Variants in EGR3 observed in about 807,000 individuals in gnomAD.
EGR3 encodes the protein early growth response protein 3.
In EGR3, 4 loss-of-function variants were observed where a neutral mutation model predicts 22.4. The ratio of observed to expected loss-of-function variants is 0.18; its 90% CI spans 0.09 to 0.41. The LOEUF (loss-of-function observed/expected upper bound fraction) is 0.41. Among genes scored for constraint, EGR3 ranks in the 10% least tolerant of loss-of-function variants. The pLI is 1.00. For synonymous variants in EGR3, 219 were observed against 226.8 expected (o/e 0.97, Z 0.31); for missense variants, 315 against 541.3 (o/e 0.58, Z 4.15).
rs117302865 is a variant in EGR3, at chr8:22,688,327, C to T, written c.*2146G>A. On this transcript the variant is annotated 3_prime_UTR_variant, in exon 2 of 2. Transcript: ENST00000317216. Reference sequence around the variant, plus strand: ...AAGGGTATCTGATTCCTCCTTCTAGCTTGGAAGTGACCAAAATTTTTGCTT... The same window carrying T: ...AAGGGTATCTGATTCCTCCTTCTAGTTTGGAAGTGACCAAAATTTTTGCTT... 884 of 152,694 alleles carry T rather than the reference C, an allele frequency of 5.8e-3. 10 individuals are homozygous for T. Among genetic ancestry groups the T allele is most frequent in the Middle Eastern group, 0.01 (3 of 292 alleles). The allele number at this position is 152,694 out of a possible 1,614,324, so 9.5% of individuals were successfully genotyped here. A position where few individuals can be genotyped will look rare whatever the true frequency, so the allele number is the denominator to read the frequency against.
At chr8:22,691,846 G>A (rs1453112063) in intron 1 of EGR3, 1 of 985,358 alleles carries the variant, frequency 1.0e-6, no homozygotes, top group Non-Finnish European at 1.2e-6. Flanking sequence ...AGCGCGCTGG[G>A]CTCTCGCTCT....
rs1804005062 is a variant in EGR3, at chr8:22,692,474, G to A, written c.154+317C>T. On this transcript the variant is annotated intron_variant, in intron 1 of 1. Coordinates refer to ENST00000317216, the MANE Select transcript of EGR3 (RefSeq NM_004430.3). The surrounding 1 kb of genome is among the most constrained non-coding windows in gnomAD (Gnocchi z 6.2). Reference sequence around the variant, plus strand: ...ATCGGGCCCCCTGCGTGGTGAGGGAGAACCCCAGAGCCGCTCGCACCTACC... The same window carrying A: ...ATCGGGCCCCCTGCGTGGTGAGGGAAAACCCCAGAGCCGCTCGCACCTACC... The A allele has an allele frequency of 1.4e-6, 2 of 1,422,644 alleles. No individual in the cohort carries two copies. Among genetic ancestry groups the A allele is most frequent in the East Asian group, 5.2e-5 (2 of 38,508 alleles). 88.1% of individuals were successfully genotyped at this position (1,422,644 alleles called of 1,614,324 possible).
At position 22,692,508 on chromosome 8, in the gene EGR3, G is replaced by A. The variant is rs1044448596; in HGVS notation, c.154+283C>T. On this transcript the variant is annotated intron_variant, in intron 1 of 1. Transcript: ENST00000317216. The surrounding 1 kb of genome is among the most constrained non-coding windows in gnomAD (Gnocchi z 6.2). ...AGCCGCTCGCACCTACCTCCCTCCGGTCGGCGGCTGCCCCCACCCGGGAGA... is the reference window on the plus strand; with the variant it reads ...AGCCGCTCGCACCTACCTCCCTCCGATCGGCGGCTGCCCCCACCCGGGAGA... The A allele has an allele frequency of 7.0e-7, 1 of 1,418,788 alleles. No homozygotes were observed. The highest frequency in any genetic ancestry group is 2.6e-5 in the East Asian group (1 of 38,884). The allele number at this position is 1,418,788 out of a possible 1,614,324, so 87.9% of individuals were successfully genotyped here.
In EGR3 at chr8:22,687,713, T is replaced by G. The variant is rs2128744246; in HGVS notation, c.*2760A>C. On this transcript the variant is annotated 3_prime_UTR_variant, in exon 2 of 2. Coordinates refer to ENST00000317216, the MANE Select transcript of EGR3 (RefSeq NM_004430.3). This position sits in a 1 kb window ranked among gnomAD's most constrained non-coding sequence, Gnocchi z 4.7. ...AAAACAAGAAATAAAATAAGGAGAT[T>G]TATAGGCCGGCTGATTGTCAGCAAA... is the stretch of plus-strand genomic sequence containing the variant. 1 of 152,706 alleles carries G rather than the reference T, an allele frequency of 6.5e-6. No homozygotes were observed. Among genetic ancestry groups the G allele is most frequent in the East Asian group, 1.9e-4 (1 of 5,186 alleles). 9.5% of individuals were successfully genotyped at this position (152,706 alleles called of 1,614,324 possible).
intron 1 of EGR3, chr8:22,691,798 G>A: frequency 2.0e-6 from 2 of 985,412 alleles, no homozygotes; most frequent in Non-Finnish European, 2.4e-6. Flanking sequence ...GAGGTGGGGC[G>A]GGCAGGTAGC....
chr8:22,692,684 T>A lies in EGR3; in HGVS notation c.154+107A>T. The stretch of plus-strand genomic sequence containing the variant: ...ATCTATCCACCCATCCACCCATCCA[T>A]CCATCCATCCATCCATCCATCCATC... On this transcript the variant is annotated intron_variant, in intron 1 of 1. Transcript: ENST00000317216. This position sits in a 1 kb window ranked among gnomAD's most constrained non-coding sequence, Gnocchi z 6.2. The A allele has an allele frequency of 7.2e-7, 1 of 1,384,030 alleles. No individual in the cohort carries two copies. Among genetic ancestry groups the A allele is most frequent in the Non-Finnish European group, 9.8e-7 (1 of 1,016,334 alleles). 85.7% of individuals were successfully genotyped at this position (1,384,030 alleles called of 1,614,324 possible).
rs1293822854 is a variant in EGR3 at position 22,693,321 on chromosome 8, C to G, written c.-377G>C. The G allele has an allele frequency of 8.5e-6, 1 of 118,104 alleles. No homozygotes were observed. The highest frequency in any genetic ancestry group is 8.6e-5 in the Admixed American group (1 of 11,634). The allele number at this position is 118,104 out of a possible 1,614,324, so 7.3% of individuals were successfully genotyped here. A position where few individuals can be genotyped will look rare whatever the true frequency, so the allele number is the denominator to read the frequency against. ...ATTGATCTCACAAACAGACACGCGC[C>G]CGCCGCCCCCCCGCCCCCCGATCTG... On this transcript the variant is annotated 5_prime_UTR_variant, in exon 1 of 2. Coordinates refer to ENST00000317216, the MANE Select transcript of EGR3 (RefSeq NM_004430.3).
In EGR3 at chr8:22,692,160, G is replaced by A; in HGVS notation, c.154+631C>T. The A allele has an allele frequency of 1.4e-6, 2 of 1,380,340 alleles. No individual in the cohort carries two copies. The highest frequency in any genetic ancestry group is 1.9e-6 in the Non-Finnish European group (2 of 1,071,958). 85.5% of individuals were successfully genotyped at this position (1,380,340 alleles called of 1,614,324 possible). A position where few individuals can be genotyped will look rare whatever the true frequency, so the allele number is the denominator to read the frequency against. On this transcript the variant is annotated intron_variant, in intron 1 of 1. Transcript: ENST00000317216. The surrounding 1 kb of genome is among the most constrained non-coding windows in gnomAD (Gnocchi z 6.2). ...CGGCCGGTGTCTCCATGGCGGGAGA[G>A]GCCGCCCTTCCCCAGCTCCCCGGCC... is the stretch of plus-strand genomic sequence containing the variant.
At position 22,692,862 on chromosome 8, in the gene EGR3, T is replaced by C; in HGVS notation, c.83A>G (p.Glu28Gly). Residue 28 changes from glutamate (E) to glycine (G), a missense_variant, in exon 1 of 2, where the codon GAG (glutamate) becomes GGG (glycine). Glu to Gly is a moderately conservative substitution (Grantham distance 98). Transcript: ENST00000317216. This position sits in a 1 kb window ranked among gnomAD's most constrained non-coding sequence, Gnocchi z 6.2. ...NQLPDNLYPE[E>G]IPSALNLFSG... ...GAAGAGGTTGAGCGCGCTGGGGATC[T>C]CCTCGGGGTACAGATTGTCAGGCAG... 1.9e-6 allele frequency: 3 copies of C among 1,613,108 alleles called. No homozygotes were observed. Among genetic ancestry groups the C allele is most frequent in the Non-Finnish European group, 2.5e-6 (3 of 1,179,768 alleles).
rs1804018782 is a variant in EGR3, at chr8:22,692,867, G to A, written c.78C>T (p.Pro26=). The A allele has an allele frequency of 3.7e-6, 6 of 1,613,166 alleles. No homozygotes were observed. The highest frequency in any genetic ancestry group is 5.1e-6 in the Non-Finnish European group (6 of 1,179,850). The change falls in exon 1 of 2, where the codon CCC becomes CCT. Residue 26 remains proline (P), a synonymous_variant. Coordinates refer to ENST00000317216, the MANE Select transcript of EGR3 (RefSeq NM_004430.3). This position sits in a 1 kb window ranked among gnomAD's most constrained non-coding sequence, Gnocchi z 6.2. ...LLNQLPDNLY[P]EEIPSALNLF... The stretch of plus-strand genomic sequence containing the variant: ...GGTTGAGCGCGCTGGGGATCTCCTC[G>A]GGGTACAGATTGTCAGGCAGTTGGT...
In EGR3 at chr8:22,692,154, G is replaced by T; in HGVS notation, c.154+637C>A. The T allele has an allele frequency of 7.3e-7, 1 of 1,377,824 alleles. No individual in the cohort carries two copies. The highest frequency in any genetic ancestry group is 9.3e-7 in the Non-Finnish European group (1 of 1,070,722). The allele number at this position is 1,377,824 out of a possible 1,614,324, so 85.3% of individuals were successfully genotyped here. ...GAAAACCGGCCGGTGTCTCCATGGC[G>T]GGAGAGGCCGCCCTTCCCCAGCTCC... is the stretch of plus-strand genomic sequence containing the variant. On this transcript the variant is annotated intron_variant, in intron 1 of 1. Transcript: ENST00000317216. The surrounding 1 kb of genome is among the most constrained non-coding windows in gnomAD (Gnocchi z 6.2).
At position 22,690,518 on chromosome 8, in the gene EGR3, C is replaced by G; in HGVS notation, c.1119G>C (p.Ser373=). 1 of 1,610,678 alleles carries G rather than the reference C, an allele frequency of 6.2e-7. No individual in the cohort carries two copies. Among genetic ancestry groups the G allele is most frequent in the Non-Finnish European group, 8.5e-7 (1 of 1,178,144 alleles). ...CGGGGGCCAGCGACACGGGGGGCGC[C>G]GAGGATGCAGAGGGTGCACCGCCCT... ...AEKGGAPSAS[S]APPVSLAPVV... is the part of the protein sequence containing the mutation. Residue 373 remains serine (S), a synonymous_variant, in exon 2 of 2, where the codon TCG becomes TCC. Coordinates refer to ENST00000317216, the MANE Select transcript of EGR3 (RefSeq NM_004430.3).
In EGR3 at chr8:22,689,673, C is replaced by G. The variant is rs1438955658; in HGVS notation, c.*800G>C. 6.6e-6 allele frequency: 1 copy of G among 152,602 alleles called. No homozygotes were observed. The highest frequency in any genetic ancestry group is 1.5e-5 in the Non-Finnish European group (1 of 68,050). 9.5% of individuals were successfully genotyped at this position (152,602 alleles called of 1,614,324 possible). A position where few individuals can be genotyped will look rare whatever the true frequency, so the allele number is the denominator to read the frequency against. The stretch of plus-strand genomic sequence containing the variant: ...CCCTGAGGCCTAAGAGGGAAGCGCT[C>G]AGAAAAGGAGGGGTTCTGAGGGGCC... On this transcript the variant is annotated 3_prime_UTR_variant, in exon 2 of 2. Transcript: ENST00000317216.
chr8:22,692,028 C>A lies in EGR3; in HGVS notation c.155-546G>T. ...GTGTCGCCCTCAAAGGGAGCTCTCC[C>A]TTCACCTACCCCGGCCCCAGCCTCC... On this transcript the variant is annotated intron_variant, in intron 1 of 1. Coordinates refer to ENST00000317216, the MANE Select transcript of EGR3 (RefSeq NM_004430.3). The surrounding 1 kb of genome is among the most constrained non-coding windows in gnomAD (Gnocchi z 6.2). 1 of 1,312,432 alleles carries A rather than the reference C, an allele frequency of 7.6e-7. No individual in the cohort carries two copies. Among genetic ancestry groups the A allele is most frequent in the Non-Finnish European group, 9.7e-7 (1 of 1,032,164 alleles). 81.3% of individuals were successfully genotyped at this position (1,312,432 alleles called of 1,614,324 possible). A position where few individuals can be genotyped will look rare whatever the true frequency, so the allele number is the denominator to read the frequency against.
In EGR3 at chr8:22,692,182, G is replaced by C. The variant is rs1803993948; in HGVS notation, c.154+609C>G. ...AGAGGCCGCCCTTCCCCAGCTCCCC[G>C]GCCCCGGGATCGTTCCCCGTGGCAG... is the stretch of plus-strand genomic sequence containing the variant. On this transcript the variant is annotated intron_variant, in intron 1 of 1. Coordinates refer to ENST00000317216, the MANE Select transcript of EGR3 (RefSeq NM_004430.3). This position sits in a 1 kb window ranked among gnomAD's most constrained non-coding sequence, Gnocchi z 6.2. 2.9e-6 allele frequency: 4 copies of C among 1,377,280 alleles called. No individual in the cohort carries two copies. Among genetic ancestry groups the C allele is most frequent in the Non-Finnish European group, 9.3e-7 (1 of 1,069,954 alleles). The allele number at this position is 1,377,280 out of a possible 1,614,324, so 85.3% of individuals were successfully genotyped here.
Position 22,693,044 on chromosome 8 carries a change from G to A in EGR3, c.-100C>T. ...AGCGGCATCCGAGAGGCGATCCGTGGTGCAGGGGAAAAGCATGCGAGAGGG... is the reference window on the plus strand; with the variant it reads ...AGCGGCATCCGAGAGGCGATCCGTGATGCAGGGGAAAAGCATGCGAGAGGG... On this transcript the variant is annotated 5_prime_UTR_variant, in exon 1 of 2. Transcript: ENST00000317216. The A allele has an allele frequency of 2.2e-6, 3 of 1,389,716 alleles. No individual in the cohort carries two copies. The highest frequency in any genetic ancestry group is 2.9e-6 in the Non-Finnish European group (3 of 1,045,642). 86.1% of individuals were successfully genotyped at this position (1,389,716 alleles called of 1,614,324 possible).
rs1011670337 is a variant in EGR3 at position 22,691,751 on chromosome 8, C to T, written c.155-269G>A. ...CGCACACACTCACGTACCACACACA[C>T]ACGCGCGCGCGCGCGAGAAGCATTG... On this transcript the variant is annotated intron_variant, in intron 1 of 1. Transcript: ENST00000317216. 2.1e-5 allele frequency: 21 copies of T among 985,450 alleles called. No homozygotes were observed. The East Asian group carries it at 3.4e-4, about 16-fold the overall frequency. 61.0% of individuals were successfully genotyped at this position (985,450 alleles called of 1,614,324 possible).
Position 22,690,516 on chromosome 8 carries a change from G to T in EGR3, c.1121C>A (p.Ala374Glu). The T allele has an allele frequency of 6.2e-7, 1 of 1,610,264 alleles. No homozygotes were observed. The change falls in exon 2 of 2, where the codon GCG (alanine) becomes GAG (glutamate). Residue 374 changes from alanine (A) to glutamate (E), a missense_variant. Transcript: ENST00000317216. ...EKGGAPSASS[A>E]PPVSLAPVVT... is the part of the protein sequence containing the mutation. Reference sequence around the variant, plus strand: ...CACGGGGGCCAGCGACACGGGGGGCGCCGAGGATGCAGAGGGTGCACCGCC... The same window carrying T: ...CACGGGGGCCAGCGACACGGGGGGCTCCGAGGATGCAGAGGGTGCACCGCC...
In EGR3 at chr8:22,690,816, G is replaced by A; in HGVS notation, c.821C>T (p.Pro274Leu). The change falls in exon 2 of 2, where the codon CCC becomes CTC. Residue 274 changes from proline to leucine, a missense_variant. Pro to Leu is a moderately conservative substitution (Grantham distance 98, BLOSUM62 -3). Transcript: ENST00000317216. ...RPSKTPLHER[P>L]HACPAEGCDR... ...GCAGCCCTCGGCCGGGCACGCGTGG[G>A]GCCGTTCGTGGAGCGGTGTCTTGCT... 1 of 1,611,776 alleles carries A rather than the reference G, an allele frequency of 6.2e-7. No homozygotes were observed. Among genetic ancestry groups the A allele is most frequent in the South Asian group, 1.1e-5 (1 of 90,946 alleles).
Sources: allele counts gnomAD v4.1 joint callset, GRCh38; gene constraint gnomAD v4.1.1; non-coding constraint Gnocchi (gnomAD v3.1); transcripts MANE v1.5; gene names NCBI Gene and HGNC (gene_info 2026-07-23, HGNC 2026-07-21).